NRXN1: variants seen among roughly 807,000 people sequenced by gnomAD.
NRXN1 encodes the protein neurexin 1.
NRXN1 carries 39 observed loss-of-function variants against 150.9 expected under a neutral mutation model. The observed-to-expected ratio is 0.26, with a 90% CI of 0.20 to 0.34. The LOEUF (loss-of-function observed/expected upper bound fraction) is 0.34, where lower values mean the gene tolerates loss of function less well. Ranked by LOEUF, NRXN1 falls within the 10% of genes least tolerant of loss-of-function variation. The probability of loss-of-function intolerance (pLI) is 1.00; values close to 1 mark genes in which losing one functional copy is unlikely to be tolerated. For missense variants in NRXN1, 1,815 were observed against 1,949.9 expected (o/e 0.93, Z 1.30); for synonymous variants, 924 against 757.0 (o/e 1.22, Z -3.62).
chr2:50,347,571 G>T lies in NRXN1; in HGVS notation c.3365-110601C>A, dbSNP rs189232572. On this transcript the variant is annotated intron_variant, in intron 17 of 22. Coordinates refer to ENST00000401669, the MANE Select transcript of NRXN1 (RefSeq NM_001330078.2). This position sits in a 1 kb window ranked among gnomAD's most constrained non-coding sequence, Gnocchi z 4.9. ...AGCGCGCGGAGCAGCGGCGCGCATC[G>T]CCTGCTCCCGAGGCAATCTCCGCGT... 875 of 1,018,554 alleles carry T rather than the reference G, an allele frequency of 8.6e-4. 2 individuals carry two copies. Among genetic ancestry groups the T allele is most frequent in the Admixed American group, 2.0e-3 (37 of 18,054 alleles). The allele number at this position is 1,018,554 out of a possible 1,614,324, so 63.1% of individuals were successfully genotyped here.
At chr2:50,486,652 G>T (rs748379911) in intron 15 of NRXN1, among the ~76,000 whole-genome samples, 1 of 152,086 alleles carries the variant, frequency 6.6e-6, no homozygotes, top group Non-Finnish European at 1.5e-5. Flanking sequence ...TTGTGGGTAG[G>T]GGAGTGTGAG....
chr2:50,486,296 A>G (rs952705427), intron 15 of NRXN1, among the ~76,000 whole-genome samples: 4 of 152,214 alleles, frequency 2.6e-5, no homozygotes, highest in Middle Eastern at 3.2e-3. Flanking sequence ...AAGGTAATTT[A>G]TTATATCTTT....
chr2:50,539,524 G>GAA (rs56704663), intron 9 of NRXN1, among the ~76,000 whole-genome samples: 4 of 150,666 alleles, frequency 2.7e-5, no homozygotes, highest in African/African-American at 9.7e-5. Flanking sequence ...TGGAATCTAT[G>GAA]AAAAAAAAAG....
chr2:50,082,985 A>G (rs1264389559), intron 19 of NRXN1, among the ~76,000 whole-genome samples: 16 of 152,176 alleles, frequency 1.1e-4, no homozygotes, highest in African/African-American at 3.6e-4. Context: ...TTTGGGGGCA[A>G]AAAATCAGCA....
chr2:50,623,930 C>G (rs906761647), intron 5 of NRXN1, among the ~76,000 whole-genome samples: 10 of 152,038 alleles, frequency 6.6e-5, no homozygotes, highest in African/African-American at 2.4e-4. Flanking sequence ...TATCCCTCTC[C>G]CCTCCCCCAA....
At chr2:50,395,653 C>T (rs2082006869) in intron 17 of NRXN1, among the ~76,000 whole-genome samples, 1 of 152,078 alleles carries the variant, frequency 6.6e-6, no homozygotes, top group African/African-American at 2.4e-5. Flanking sequence ...GTTTATAGAA[C>T]AACTTAACTT....
intron 8 of NRXN1, among the ~76,000 whole-genome samples, chr2:50,581,126 T>C (rs1052215203): frequency 6.6e-6 from 1 of 152,176 alleles, no homozygotes; most frequent in African/African-American, 2.4e-5. Context: ...AATATATAAA[T>C]TTATGAATAC....
At chr2:50,863,933 T>C (rs1407613979) in intron 5 of NRXN1, among the ~76,000 whole-genome samples, 1 of 151,986 alleles carries the variant, frequency 6.6e-6, no homozygotes, top group East Asian at 1.9e-4. Flanking sequence ...GATTTAAAAA[T>C]ACAGCACCTC....
At position 50,869,533 on chromosome 2, in the gene NRXN1, G is replaced by C. The variant is rs551122645; in HGVS notation, c.832+52336C>G. On this transcript the variant is annotated intron_variant, in intron 5 of 22. Transcript: ENST00000401669. ...GGAAAAAACCACATAGAAGAATCAA[G>C]CTGAAGATACAAGTTAAATCAAATT... 8.6e-5 allele frequency among the ~76,000 whole-genome samples: 13 copies of C among 151,726 alleles called. No individual in the cohort carries two copies. In the South Asian group the frequency reaches 1.7e-3, roughly 19 times the overall value.
chr2:50,247,972 T>C (rs938078684), intron 17 of NRXN1, among the ~76,000 whole-genome samples: 6 of 152,136 alleles, frequency 3.9e-5, no homozygotes, highest in Non-Finnish European at 8.8e-5. Flanking sequence ...TCAAAATAAT[T>C]TTTAAAGATA....
At chr2:50,724,804 T>A (rs1444747456) in intron 5 of NRXN1, among the ~76,000 whole-genome samples, 1 of 152,194 alleles carries the variant, frequency 6.6e-6, no homozygotes, top group Non-Finnish European at 1.5e-5. Context: ...CATTCATTTA[T>A]TAAAAAATAT....
chr2:51,026,575 A>G, intron 2 of NRXN1: 1 of 704,180 alleles, frequency 1.4e-6, no homozygotes, highest in Non-Finnish European at 2.5e-6. Context: ...CACTACCCAG[A>G]TAAATGTCAT....
rs578174993 is a variant in NRXN1, at chr2:50,297,659, C to T, written c.3365-60689G>A. On this transcript the variant is annotated intron_variant, in intron 17 of 22. Transcript: ENST00000401669. ...AAGTGTAAAGACTCAAGAGAAACAC[C>T]GGGTGGTAATTTAATCAAGACAAAG... Among the ~76,000 whole-genome samples, 6 of 152,094 alleles carry T rather than the reference C, an allele frequency of 3.9e-5. No homozygotes were observed. The South Asian group carries it at 8.3e-4, about 21-fold the overall frequency.
intron 5 of NRXN1, among the ~76,000 whole-genome samples, chr2:50,846,574 C>T (rs377395856): frequency 6.6e-6 from 1 of 152,036 alleles, no homozygotes; most frequent in South Asian, 2.1e-4. Flanking sequence ...AGATCTTACA[C>T]CATAAAAGGC....
At chr2:50,140,609 C>T (rs943145336) in intron 18 of NRXN1, among the ~76,000 whole-genome samples, 7 of 151,572 alleles carry the variant, frequency 4.6e-5, no homozygotes, top group African/African-American at 1.5e-4. Context: ...CACTTCCATT[C>T]GATACTCTCC....
At chr2:51,014,454 C>T (rs547540949) in intron 2 of NRXN1, among the ~76,000 whole-genome samples, 2 of 151,990 alleles carry the variant, frequency 1.3e-5, no homozygotes, top group Admixed American at 1.3e-4. Flanking sequence ...ATTCATTAAA[C>T]TTAAGGGAGA....
intron 21 of NRXN1, among the ~76,000 whole-genome samples, chr2:50,047,278 A>G (rs1691962991): frequency 6.6e-6 from 1 of 152,052 alleles, no homozygotes; most frequent in Admixed American, 6.6e-5. Flanking sequence ...AGGAGGAATA[A>G]TAATATCAAG....
intron 2 of NRXN1, among the ~76,000 whole-genome samples, chr2:51,000,162 G>A (rs1334272055): frequency 1.3e-5 from 2 of 151,984 alleles, no homozygotes; most frequent in African/African-American, 2.4e-5. Flanking sequence ...CTCACATGGA[G>A]TATTCTCGCT....
At chr2:50,369,905 A>T (rs1213327435) in intron 17 of NRXN1, among the ~76,000 whole-genome samples, 1 of 152,066 alleles carries the variant, frequency 6.6e-6, no homozygotes, top group East Asian at 1.9e-4. Context: ...CTGTAGTGTG[A>T]ACTAAGCAAA....
Sources: allele counts gnomAD v4.1 joint callset (sites outside exome capture counted in the v4.1 genomes callset), GRCh38; gene constraint gnomAD v4.1.1; non-coding constraint Gnocchi (gnomAD v3.1); transcripts MANE v1.5; gene names NCBI Gene and HGNC (gene_info 2026-07-23, HGNC 2026-07-21).